Variants in DYRK1A observed in about 807,000 individuals in gnomAD.
The protein encoded by DYRK1A is dual specificity tyrosine phosphorylation regulated kinase 1A, also known as dual specificity tyrosine-phosphorylation-regulated kinase 1A.
Under a neutral mutation model 79.7 loss-of-function variants are expected in DYRK1A, and 9 were observed. The observed-to-expected ratio is 0.11, with a 90% CI of 0.07 to 0.20. DYRK1A has a LOEUF of 0.20. Among genes scored for constraint, DYRK1A ranks in the 10% least tolerant of loss-of-function variants. The pLI is 1.00. For missense variants in DYRK1A, 622 were observed against 956.0 expected, an observed-to-expected ratio of 0.65 and a Z score of 4.61; for synonymous variants, 349 against 329.7, an observed-to-expected ratio of 1.06 and a Z score of -0.63.
intron 6 of DYRK1A, chr21:37,488,706 AAGT>A: frequency 1.0e-6 from 1 of 985,400 alleles, no homozygotes; most frequent in Non-Finnish European, 1.2e-6. Context: ...AAGTGAAACT[AAGT>A]AGATCTTTCA....
chr21:37,493,167 A>C lies in DYRK1A; in HGVS notation c.1071+4A>C, dbSNP rs1426932264. The C allele has an allele frequency of 2.5e-6, 4 of 1,594,764 alleles. No individual in the cohort carries two copies. Among genetic ancestry groups the C allele is most frequent in the Non-Finnish European group, 3.4e-6 (4 of 1,164,842 alleles). Reference sequence around the variant, plus strand: ...TCTGTTCAGTGGTGCCAATGAGGTAAATGATGTATTGCTTTACAAATTCTG... The same window carrying C: ...TCTGTTCAGTGGTGCCAATGAGGTACATGATGTATTGCTTTACAAATTCTG... On this transcript the variant is annotated splice_donor_region_variant and intron_variant, in intron 8 of 11. Transcript: ENST00000647188.
intron 6 of DYRK1A, chr21:37,488,290 A>C: frequency 5.2e-6 from 5 of 954,644 alleles, no homozygotes; most frequent in Non-Finnish European, 6.2e-6. Flanking sequence ...TTCTGTTTGG[A>C]AAACAAAAGA....
At chr21:37,480,532 C>A in intron 4 of DYRK1A, 106 bp from the exon 5 acceptor site, 1 of 849,262 alleles carries the variant, frequency 1.2e-6, no homozygotes, top group Non-Finnish European at 1.7e-6. Context: ...TATTTTCTAA[C>A]TCAAATGTCA....
At chr21:37,413,330 C>G (rs755345834) in intron 1 of DYRK1A, among the ~76,000 whole-genome samples, 1 of 152,016 alleles carries the variant, frequency 6.6e-6, no homozygotes, top group African/African-American at 2.4e-5. Flanking sequence ...TAATTACATA[C>G]GTATAAAAGT....
intron 1 of DYRK1A, chr21:37,368,222 G>A (rs935429301): frequency 2.0e-5 from 3 of 152,128 alleles, no homozygotes; most frequent in Non-Finnish European, 4.4e-5. Context: ...GAGCGCGAGT[G>A]TCCCCGGCGG....
chr21:37,378,780 A>G (rs961396612), intron 1 of DYRK1A, among the ~76,000 whole-genome samples: 10 of 152,146 alleles, frequency 6.6e-5, no homozygotes, highest in African/African-American at 2.4e-4. Context: ...ATACAGGAAA[A>G]CTTGAACACA....
intron 2 of DYRK1A, among the ~76,000 whole-genome samples, chr21:37,420,673 A>G (rs1266869187): frequency 6.6e-6 from 1 of 152,156 alleles, no homozygotes; most frequent in East Asian, 1.9e-4. Context: ...AATGTAAATA[A>G]CACAGTCACC....
intron 2 of DYRK1A, among the ~76,000 whole-genome samples, chr21:37,455,159 A>G (rs761310038): frequency 2.6e-5 from 4 of 151,622 alleles, no homozygotes; most frequent in Non-Finnish European, 4.4e-5. Context: ...GGTCTTAACT[A>G]CACAGTGATT....
At chr21:37,478,050 A>G (rs2052463406) in intron 3 of DYRK1A, 158 bp from the exon 4 acceptor site, 1 of 959,992 alleles carries the variant, frequency 1.0e-6, no homozygotes, top group African/African-American at 1.7e-5. Flanking sequence ...ATCCACATGA[A>G]AGGGAACTTT....
intron 1 of DYRK1A, among the ~76,000 whole-genome samples, chr21:37,418,123 A>G (rs2050393650): frequency 6.6e-6 from 1 of 152,188 alleles, no homozygotes; most frequent in Non-Finnish European, 1.5e-5. Context: ...CTGACCTTGT[A>G]TTAACATTTT....
chr21:37,400,775 A>G (rs927586856), intron 1 of DYRK1A, among the ~76,000 whole-genome samples: 1 of 152,190 alleles, frequency 6.6e-6, no homozygotes, highest in African/African-American at 2.4e-5. Context: ...ATTGACTGAG[A>G]AAGTGCAGAT....
chr21:37,406,761 A>ATATC (rs1197659671), intron 1 of DYRK1A, among the ~76,000 whole-genome samples: 4 of 148,748 alleles, frequency 2.7e-5, no homozygotes, highest in African/African-American at 9.8e-5. Context: ...ATATATCTAT[A>ATATC]TATGTATATA....
intron 2 of DYRK1A, among the ~76,000 whole-genome samples, chr21:37,448,994 G>A (rs1219186687): frequency 6.6e-6 from 1 of 152,114 alleles, no homozygotes; most frequent in African/African-American, 2.4e-5. Context: ...CACCATGCGT[G>A]GACCTAGGAA....
chr21:37,379,775 T>TA (rs2049619025), intron 1 of DYRK1A, among the ~76,000 whole-genome samples: 1 of 152,220 alleles, frequency 6.6e-6, no homozygotes, highest in Admixed American at 6.5e-5. Flanking sequence ...AAAAATCTCA[T>TA]ATTCTCTTTA....
intron 1 of DYRK1A, among the ~76,000 whole-genome samples, chr21:37,395,616 A>C (rs1197564076): frequency 6.6e-6 from 1 of 152,230 alleles, no homozygotes; most frequent in Non-Finnish European, 1.5e-5. Flanking sequence ...AAAAAGGTTG[A>C]GAAACATAAT....
In DYRK1A at chr21:37,501,965, C is replaced by T. The variant is rs1324385250; in HGVS notation, c.1213-3318C>T. The T allele has an allele frequency of 3.9e-5, 6 of 152,098 alleles. No individual in the cohort carries two copies. The East Asian group carries it at 1.2e-3, about 29-fold the overall frequency. 9.4% of individuals were successfully genotyped at this position (152,098 alleles called of 1,614,324 possible). Reference sequence around the variant, plus strand: ...GTTACGACTTATTGATAAATTGACCCTTTTATCATCCTGAAATGTCCCTCT... The same window carrying T: ...GTTACGACTTATTGATAAATTGACCTTTTTATCATCCTGAAATGTCCCTCT... On this transcript the variant is annotated intron_variant, in intron 9 of 11. Coordinates refer to ENST00000647188, the MANE Select transcript of DYRK1A (RefSeq NM_001347721.2).
In DYRK1A at chr21:37,511,892, T is replaced by C. The variant is rs1223666213; in HGVS notation, c.1645-19T>C. 5 of 1,602,162 alleles carry C rather than the reference T, an allele frequency of 3.1e-6. No homozygotes were observed. The African/African-American group carries it at 6.7e-5, about 21-fold the overall frequency. On this transcript the variant is annotated intron_variant, in intron 11 of 11. Coordinates refer to ENST00000647188, the MANE Select transcript of DYRK1A (RefSeq NM_001347721.2). ...GAAACAGTCCTCTGAAAAATCCTTT[T>C]AAAAATCTGTTCTTTCAGGTGCGTC...
chr21:37,430,990 C>A (rs1175667354), intron 2 of DYRK1A, among the ~76,000 whole-genome samples: 1 of 152,134 alleles, frequency 6.6e-6, no homozygotes, highest in Non-Finnish European at 1.5e-5. Context: ...GTTCCTAGAT[C>A]TTTTTGACAT....
At chr21:37,495,164 G>GTGTGTGTA (rs1555986654) in intron 8 of DYRK1A, among the ~76,000 whole-genome samples, 2 of 73,852 alleles carry the variant, frequency 2.7e-5, no homozygotes, top group African/African-American at 9.1e-5. Flanking sequence ...GTGTGTGTGT[G>GTGTGTGTA]TGTGTGTGTG....
Sources: allele counts gnomAD v4.1 joint callset (sites outside exome capture counted in the v4.1 genomes callset), GRCh38; gene constraint gnomAD v4.1.1; transcripts MANE v1.5; gene names NCBI Gene and HGNC (gene_info 2026-07-23, HGNC 2026-07-21).